The following POLR2K variants were observed in gnomAD, a reference collection of about 807,000 sequenced individuals.
POLR2K encodes the protein DNA-directed RNA polymerases I, II, and III subunit RPABC4.
POLR2K carries 9 observed loss-of-function variants against 10.1 expected under a neutral mutation model. The ratio of observed to expected loss-of-function variants is 0.89; its 90% CI spans 0.54 to 1.56. The LOEUF is 1.56. Among genes scored for constraint, POLR2K ranks in the 40% most tolerant of loss-of-function variants. POLR2K has a pLI of 0.00. For synonymous variants in POLR2K, 19 were observed against 20.3 expected (o/e 0.94, Z 0.17); for missense variants, 53 against 71.9 (o/e 0.74, Z 0.95).
chr8:100,153,371 A>C lies in POLR2K; in HGVS notation c.*55A>C. On this transcript the variant is annotated 3_prime_UTR_variant, in exon 4 of 4. Coordinates refer to ENST00000353107, the MANE Select transcript of POLR2K (RefSeq NM_005034.4). Reference sequence around the variant, plus strand: ...TTATACTTGGATTTGCTCTCTTCCCATTTCTGATTGTTGTATAGCTTTCGA... The same window carrying C: ...TTATACTTGGATTTGCTCTCTTCCCCTTTCTGATTGTTGTATAGCTTTCGA... The C allele has an allele frequency of 1.3e-6, 2 of 1,504,584 alleles. No individual in the cohort carries two copies. Among genetic ancestry groups the C allele is most frequent in the Non-Finnish European group, 1.8e-6 (2 of 1,082,816 alleles). 93.2% of individuals were successfully genotyped at this position (1,504,584 alleles called of 1,614,324 possible).
intron 3 of POLR2K, 132 bp downstream of exon 3, chr8:100,152,048 A>C (rs1814927348): frequency 1.5e-6 from 1 of 660,116 alleles, no homozygotes; most frequent in African/African-American, 1.9e-5. Flanking sequence ...CATGATTAGC[A>C]TTTTCATGGA....
chr8:100,152,724 C>A (rs893642539), intron 3 of POLR2K, among the ~76,000 whole-genome samples: 1 of 152,194 alleles, frequency 6.6e-6, no homozygotes, highest in Non-Finnish European at 1.5e-5. Flanking sequence ...TGTAAATCGA[C>A]GGATTATCCG....
chr8:100,153,171 C>A, intron 3 of POLR2K, 123 bp from the exon 4 acceptor site: 1 of 676,516 alleles, frequency 1.5e-6, no homozygotes, highest in South Asian at 1.9e-5. Flanking sequence ...TAGTGAATTC[C>A]ATTCTTTTTT....
intron 3 of POLR2K, 118 bp downstream of exon 3, chr8:100,152,034 C>CA: frequency 1.5e-6 from 1 of 671,180 alleles, no homozygotes; most frequent in South Asian, 1.7e-5. Context: ...ACTTAAAAAA[C>CA]AAACATGATT....
chr8:100,152,194 T>C, intron 3 of POLR2K: 2 of 550,002 alleles, frequency 3.6e-6, no homozygotes, highest in South Asian at 4.6e-5. Flanking sequence ...AGCAATTTCA[T>C]CATTCCTACA....
Position 100,151,900 on chromosome 8 carries a change from GA to G in POLR2K, c.142del (p.Arg48GlyfsTer36). On this transcript the variant is annotated frameshift_variant, in exon 3 of 4. Coordinates refer to ENST00000353107, the MANE Select transcript of POLR2K (RefSeq NM_005034.4). LOFTEE classifies it high-confidence loss of function. ...RECGYRIMYK[K>X]RTKRLVVFDA... is the part of the protein sequence containing the mutation. ...AATGTGGATACAGAATAATGTACAAGAAAAGGACTAAAAGATGTATCCTTTT... is the reference window on the plus strand; with the variant it reads ...AATGTGGATACAGAATAATGTACAAGAAAGGACTAAAAGATGTATCCTTTT... The G allele has an allele frequency of 6.9e-7, 1 of 1,450,094 alleles. No individual in the cohort carries two copies. Among genetic ancestry groups the G allele is most frequent in the Non-Finnish European group, 9.7e-7 (1 of 1,032,684 alleles). 89.8% of individuals were successfully genotyped at this position (1,450,094 alleles called of 1,614,324 possible). A position where few individuals can be genotyped will look rare whatever the true frequency, so the allele number is the denominator to read the frequency against.
intron 3 of POLR2K, 54 bp downstream of exon 3, chr8:100,151,970 T>TG (rs1477226477): frequency 1.2e-6 from 1 of 843,716 alleles, no homozygotes; most frequent in Non-Finnish European, 2.0e-6. Context: ...TGAATAATGC[T>TG]GGGGTTGATA....
chr8:100,150,860 T>TG (rs1276860909), intron 1 of POLR2K, among the ~76,000 whole-genome samples, 151 bp downstream of exon 1: 1 of 152,206 alleles, frequency 6.6e-6, no homozygotes, highest in Non-Finnish European at 1.5e-5. Flanking sequence ...TTCTTTTAGT[T>TG]TAGATGTTTA....
intron 3 of POLR2K, chr8:100,152,215 CCGTATATCCTACT>C: frequency 5.7e-6 from 3 of 524,918 alleles, no homozygotes; most frequent in Non-Finnish European, 9.9e-6. Flanking sequence ...GAAACCTAGA[CCGTATATCCTACT>C]ATACATACAC....
Position 100,153,429 on chromosome 8 carries a change from G to A in POLR2K, c.*113G>A. 1 of 891,790 alleles carries A rather than the reference G, an allele frequency of 1.1e-6. No homozygotes were observed. The highest frequency in any genetic ancestry group is 1.8e-6 in the Non-Finnish European group (1 of 549,858). The allele number at this position is 891,790 out of a possible 1,614,324, so 55.2% of individuals were successfully genotyped here. ...TACAGTAGTTCCCCCTTATCTTCGG[G>A]AGATACATTCCAAGGCCCCCAGTGA... On this transcript the variant is annotated 3_prime_UTR_variant, in exon 4 of 4. Coordinates refer to ENST00000353107, the MANE Select transcript of POLR2K (RefSeq NM_005034.4).
intron 3 of POLR2K, among the ~76,000 whole-genome samples, chr8:100,152,858 TC>T (rs1361537805): frequency 6.6e-6 from 1 of 152,144 alleles, no homozygotes; most frequent in East Asian, 1.9e-4. Flanking sequence ...AGCTCTGCCT[TC>T]CGGGTTCATG....
intron 3 of POLR2K, 63 bp from the exon 4 acceptor site, chr8:100,153,229 CTT>C (rs767942203): frequency 4.7e-5 from 57 of 1,200,960 alleles, no homozygotes; most frequent in Non-Finnish European, 5.9e-5. Flanking sequence ...GAGAAAGTGA[CTT>C]TGAAACCTTC....
Position 100,153,356 on chromosome 8 carries a change from A to G in POLR2K, c.*40A>G. ...GAGGAATGTCTTCACTTATACTTGG[A>G]TTTGCTCTCTTCCCATTTCTGATTG... is the stretch of plus-strand genomic sequence containing the variant. On this transcript the variant is annotated 3_prime_UTR_variant, in exon 4 of 4. Coordinates refer to ENST00000353107, the MANE Select transcript of POLR2K (RefSeq NM_005034.4). 1 of 1,574,334 alleles carries G rather than the reference A, an allele frequency of 6.4e-7. No individual in the cohort carries two copies.
At position 100,153,395 on chromosome 8, in the gene POLR2K, G is replaced by A. The variant is rs1814945662; in HGVS notation, c.*79G>A. 1.5e-6 allele frequency: 2 copies of A among 1,337,520 alleles called. No homozygotes were observed. Among genetic ancestry groups the A allele is most frequent in the South Asian group, 1.2e-5 (1 of 82,554 alleles). 82.9% of individuals were successfully genotyped at this position (1,337,520 alleles called of 1,614,324 possible). A position where few individuals can be genotyped will look rare whatever the true frequency, so the allele number is the denominator to read the frequency against. On this transcript the variant is annotated 3_prime_UTR_variant, in exon 4 of 4. Coordinates refer to ENST00000353107, the MANE Select transcript of POLR2K (RefSeq NM_005034.4). ...CATTTCTGATTGTTGTATAGCTTTC[G>A]ATTTTGCTTACAGTAGTTCCCCCTT...
In POLR2K at chr8:100,153,720, G is replaced by A. The variant is rs1198008714; in HGVS notation, c.*404G>A. On this transcript the variant is annotated 3_prime_UTR_variant, in exon 4 of 4. Transcript: ENST00000353107. ...CCACAGAAAGGGAAACTTTGGATGAGGGGGGCACTACTGTACTTAGGAATA... is the reference window on the plus strand; with the variant it reads ...CCACAGAAAGGGAAACTTTGGATGAAGGGGGCACTACTGTACTTAGGAATA... 6.2e-6 allele frequency: 1 copy of A among 160,754 alleles called. No individual in the cohort carries two copies. Among genetic ancestry groups the A allele is most frequent in the African/African-American group, 2.4e-5 (1 of 41,726 alleles). 10.0% of individuals were successfully genotyped at this position (160,754 alleles called of 1,614,324 possible).
chr8:100,153,304 T>C lies in POLR2K; in HGVS notation c.165T>C (p.Phe55=). 6.8e-6 allele frequency: 11 copies of C among 1,609,786 alleles called. No individual in the cohort carries two copies. The highest frequency in any genetic ancestry group is 9.3e-6 in the Non-Finnish European group (11 of 1,177,010). Residue 55 remains phenylalanine (F), a synonymous_variant, in exon 4 of 4, where the codon TTT becomes TTC. Coordinates refer to ENST00000353107, the MANE Select transcript of POLR2K (RefSeq NM_005034.4). ...YKKRTKRLVV[F]DAR The stretch of plus-strand genomic sequence containing the variant: ...CTCAAATTAATACAGTGGTCGTTTT[T>C]GATGCTCGATGAATGCTGGGAATTC...
chr8:100,152,146 C>A, intron 3 of POLR2K: 1 of 577,306 alleles, frequency 1.7e-6, no homozygotes, highest in African/African-American at 1.9e-5. Context: ...TGCAGTCAAG[C>A]TTGAGGATAG....
chr8:100,152,713 T>C (rs545150552), intron 3 of POLR2K, among the ~76,000 whole-genome samples: 1 of 152,336 alleles, frequency 6.6e-6, no homozygotes, highest in South Asian at 2.1e-4. Flanking sequence ...CTAACACACA[T>C]TGTAAATCGA....
chr8:100,152,394 A>G (rs1193281184), intron 3 of POLR2K, among the ~76,000 whole-genome samples: 1 of 152,254 alleles, frequency 6.6e-6, no homozygotes, highest in Non-Finnish European at 1.5e-5. Context: ...ACCACTGTTT[A>G]TATGTGCTCC....
Sources: allele counts gnomAD v4.1 joint callset (sites outside exome capture counted in the v4.1 genomes callset), GRCh38; gene constraint gnomAD v4.1.1; transcripts MANE v1.5; gene names NCBI Gene and HGNC (gene_info 2026-07-23, HGNC 2026-07-21).